PCDHA3: variants seen among roughly 807,000 people sequenced by gnomAD.
PCDHA3 encodes protocadherin alpha-3.
A neutral mutation model predicts 62.2 loss-of-function variants in PCDHA3; 41 were observed. That is an observed-to-expected ratio of 0.66 (90% CI 0.51 to 0.86). PCDHA3 has a LOEUF of 0.86. PCDHA3 is among the 40% of genes least tolerant of loss of function. The probability of loss-of-function intolerance (pLI) is 0.00; values close to 1 mark genes in which losing one functional copy is unlikely to be tolerated. For missense variants in PCDHA3, 1,304 were observed against 1,241.2 expected (o/e 1.05, Z -0.76); for synonymous variants, 640 against 555.4 (o/e 1.15, Z -2.14).
At chr5:140,843,944 A>G in intron 1 of PCDHA3, 2 of 570,390 alleles carry the variant, frequency 3.5e-6, no homozygotes, top group Non-Finnish European at 6.2e-6. Flanking sequence ...GTTGGATGAT[A>G]TCCATTTTTT....
intron 1 of PCDHA3, chr5:140,850,341 G>A: frequency 6.3e-7 from 1 of 1,597,748 alleles, no homozygotes. Flanking sequence ...GCCAGAAACG[G>A]CCAGCGCGAG....
intron 1 of PCDHA3, among the ~76,000 whole-genome samples, chr5:140,937,332 C>T (rs1003482242): frequency 6.3e-4 from 96 of 152,212 alleles, no homozygotes; most frequent in African/African-American, 2.0e-3. Context: ...CCACCGCGCC[C>T]GGCTTCTTCC....
intron 1 of PCDHA3, among the ~76,000 whole-genome samples, chr5:140,921,914 TA>T (rs2080487852): frequency 6.6e-6 from 1 of 152,014 alleles, no homozygotes; most frequent in Admixed American, 6.6e-5. Context: ...TATTACATGA[TA>T]AAACTTATAG....
rs782792820 is a variant in PCDHA3, at chr5:140,803,517, C to T, written c.2320C>T (p.Pro774Ser). The T allele has an allele frequency of 6.2e-7, 1 of 1,614,202 alleles. No homozygotes were observed. The highest frequency in any genetic ancestry group is 8.5e-7 in the Non-Finnish European group (1 of 1,180,036). ...CAAGACCGACCTCATGGCTTTTAGC[C>T]CTAGCCTTCCTCCTTGTCCAATTAG... Reference protein sequence around the residue: ...LPKTDLMAFSPSLPPCPISRD... With the variant: ...LPKTDLMAFSSSLPPCPISRD... The change falls in exon 1 of 4, where the codon CCT (proline) becomes TCT (serine). Residue 774 changes from proline to serine, a missense_variant. Coordinates refer to ENST00000522353, the MANE Select transcript of PCDHA3 (RefSeq NM_018906.3).
chr5:140,835,258 A>G (rs2150232835), intron 1 of PCDHA3: 2 of 1,607,720 alleles, frequency 1.2e-6, no homozygotes, highest in African/African-American at 1.4e-5. Flanking sequence ...ATAAAATCCA[A>G]GTTCCACATG....
rs143002904 is a variant in PCDHA3, at chr5:140,856,290, G to T, written c.2394+52699G>T. 5.0e-6 allele frequency: 8 copies of T among 1,598,368 alleles called. 2 individuals are homozygous for T. The African/African-American group carries it at 8.1e-5, about 16-fold the overall frequency. ...CTTCTGGAGGTAAATCTGCAGAATGGCATTTTGTTTGTGAATTCTCGGATT... is the reference window on the plus strand; with the variant it reads ...CTTCTGGAGGTAAATCTGCAGAATGTCATTTTGTTTGTGAATTCTCGGATT... On this transcript the variant is annotated intron_variant, in intron 1 of 3. Coordinates refer to ENST00000522353, the MANE Select transcript of PCDHA3 (RefSeq NM_018906.3).
chr5:140,856,816 C>T (rs2044218457), intron 1 of PCDHA3: 2 of 1,593,576 alleles, frequency 1.3e-6, no homozygotes, highest in Admixed American at 1.7e-5. Flanking sequence ...ATCAAGTGAA[C>T]CAAACATTAG....
chr5:140,848,693 G>A, intron 1 of PCDHA3: 1 of 1,592,386 alleles, frequency 6.3e-7, no homozygotes, highest in Non-Finnish European at 8.6e-7. Flanking sequence ...TGTTCCAGTT[G>A]GATTCCAAAG....
In PCDHA3 at chr5:140,982,572, C is replaced by T; in HGVS notation, c.2542+9C>T. On this transcript the variant is annotated intron_variant, in intron 3 of 3. Coordinates refer to ENST00000522353, the MANE Select transcript of PCDHA3 (RefSeq NM_018906.3). ...ATCCAGTGCAACACCAGGTAAAGAG[C>T]TGGGGTCTCTCCATTCTTTCTTGGT... is the stretch of plus-strand genomic sequence containing the variant. 4 of 1,613,760 alleles carry T rather than the reference C, an allele frequency of 2.5e-6. No homozygotes were observed. Among genetic ancestry groups the T allele is most frequent in the Non-Finnish European group, 3.4e-6 (4 of 1,179,726 alleles).
At chr5:140,870,285 C>G (rs1315531348) in intron 1 of PCDHA3, 1 of 1,614,108 alleles carries the variant, frequency 6.2e-7, no homozygotes, top group Non-Finnish European at 8.5e-7. Flanking sequence ...ACGTTCCCTT[C>G]AAGCTGGTGT....
At chr5:140,808,287 C>T in intron 1 of PCDHA3, 2 of 1,614,268 alleles carry the variant, frequency 1.2e-6, no homozygotes, top group Non-Finnish European at 1.7e-6. Flanking sequence ...CCACTGGGTA[C>T]AGTCATCGCC....
At chr5:140,808,700 T>A in intron 1 of PCDHA3, 1 of 1,612,106 alleles carries the variant, frequency 6.2e-7, no homozygotes, top group Non-Finnish European at 8.5e-7. Flanking sequence ...GCGCGCGCTG[T>A]CGAGCTACGT....
In PCDHA3 at chr5:140,967,342, C is replaced by G. The variant is rs149890293; in HGVS notation, c.2395-11607C>G. On this transcript the variant is annotated intron_variant, in intron 1 of 3. Coordinates refer to ENST00000522353, the MANE Select transcript of PCDHA3 (RefSeq NM_018906.3). ...CCTACGAGCTCAGCCCCAGCGAGCACTTCGAGCTGGACCTTAAGCCCCTGC... is the reference window on the plus strand; with the variant it reads ...CCTACGAGCTCAGCCCCAGCGAGCAGTTCGAGCTGGACCTTAAGCCCCTGC... The G allele has an allele frequency of 1.9e-6, 3 of 1,607,992 alleles. No individual in the cohort carries two copies. In the African/African-American group the frequency reaches 4.0e-5, roughly 22 times the overall value.
At chr5:140,833,334 G>A (rs2150207587) in intron 1 of PCDHA3, among the ~76,000 whole-genome samples, 2 of 152,176 alleles carry the variant, frequency 1.3e-5, no homozygotes, top group Non-Finnish European at 2.9e-5. Context: ...GAACATTGGA[G>A]TGAAACATTC....
chr5:141,011,102 CT>C lies in PCDHA3; in HGVS notation c.*1166del, dbSNP rs2098419453. The C allele has an allele frequency of 1.3e-5, 2 of 153,744 alleles. No homozygotes were observed. The highest frequency in any genetic ancestry group is 6.5e-5 in the Admixed American group (1 of 15,280). The allele number at this position is 153,744 out of a possible 1,614,324, so 9.5% of individuals were successfully genotyped here. On this transcript the variant is annotated 3_prime_UTR_variant, in exon 4 of 4. Transcript: ENST00000522353. ...ATGATCTCTCTTTCTCTCTCTCTCT[CT>C]CTTTTCTAAGAAACAATTATGTGCA...
chr5:140,809,782 T>G (rs1554125356), intron 1 of PCDHA3: 4 of 502,500 alleles, frequency 8.0e-6, no homozygotes, highest in African/African-American at 3.9e-5. Flanking sequence ...CAATGCATAT[T>G]AACAGAACTG....
intron 1 of PCDHA3, chr5:140,856,082 T>C (rs781798552): frequency 6.9e-6 from 11 of 1,594,900 alleles, no homozygotes; most frequent in Non-Finnish European, 8.6e-6. Context: ...GGGGGTCCAG[T>C]GTCTGCTGCT....
At chr5:140,816,601 C>T (rs2126673924) in intron 1 of PCDHA3, 1 of 151,696 alleles carries the variant, frequency 6.6e-6, no homozygotes, top group South Asian at 2.1e-4. Flanking sequence ...GTGTTGATAT[C>T]TATACATTTC....
At chr5:140,967,464 G>T (rs781900904) in intron 1 of PCDHA3, 1 of 1,613,504 alleles carries the variant, frequency 6.2e-7, no homozygotes, top group Non-Finnish European at 8.5e-7. Context: ...GTGGATGGGG[G>T]CATCCCAGCC....
Sources: allele counts gnomAD v4.1 joint callset (sites outside exome capture counted in the v4.1 genomes callset), GRCh38; gene constraint gnomAD v4.1.1; transcripts MANE v1.5; gene names NCBI Gene and HGNC (gene_info 2026-07-23, HGNC 2026-07-21).